Variants in CYP2C19 observed in about 807,000 individuals in gnomAD.
The protein encoded by CYP2C19 is cytochrome P450 2C19.
CYP2C19 carries 59 observed loss-of-function variants against 40.9 expected under a neutral mutation model. The ratio of observed to expected loss-of-function variants is 1.44; its 90% CI spans 1.17 to 1.79. The LOEUF is 1.79. CYP2C19 is among the 40% of genes most tolerant of loss of function. CYP2C19 has a pLI of 0.00. For synonymous variants in CYP2C19, 253 were observed against 208.7 expected (o/e 1.21, Z -1.83); for missense variants, 754 against 596.9 (o/e 1.26, Z -2.74).
At chr10:94,781,132 G>A (rs4304697) in intron 4 of CYP2C19, among the ~76,000 whole-genome samples, 10,386 of 152,222 alleles carry the variant, frequency 0.068, 411 homozygotes, top group South Asian at 0.12. Flanking sequence ...ACACTGAATA[G>A]GGCAGAGGTG....
In CYP2C19 at chr10:94,852,296, C is replaced by T. The variant is rs112811345; in HGVS notation, c.1292-437C>T. Among the ~76,000 whole-genome samples, 384 of 152,248 alleles carry T rather than the reference C, an allele frequency of 2.5e-3. 2 individuals are homozygous for T. Among genetic ancestry groups the T allele is most frequent in the African/African-American group, 8.1e-3 (336 of 41,562 alleles). ...TGAAAATACTTAGCGGGAAAAAAAT[C>T]TTTGGCTGCATACTGAGCCAGAAAT... On this transcript the variant is annotated intron_variant, in intron 8 of 8. Coordinates refer to ENST00000371321, the MANE Select transcript of CYP2C19 (RefSeq NM_000769.4).
At position 94,855,338 on chromosome 10, in the gene CYP2C19, G is replaced by A. The variant is rs1018188786; in HGVS notation, c.*2424G>A. ...TTCAAGGTCACACAGCTTTTTAAGT[G>A]TCAGAGCCAACAATTGGACAAGGGC... On this transcript the variant is annotated 3_prime_UTR_variant, in exon 9 of 9. Coordinates refer to ENST00000371321, the MANE Select transcript of CYP2C19 (RefSeq NM_000769.4). 3.3e-5 allele frequency among the ~76,000 whole-genome samples: 5 copies of A among 152,288 alleles called. No homozygotes were observed. The highest frequency in any genetic ancestry group is 6.5e-5 in the Admixed American group (1 of 15,288).
intron 7 of CYP2C19, among the ~76,000 whole-genome samples, chr10:94,846,896 A>C (rs1320965755): frequency 6.6e-6 from 1 of 151,880 alleles, no homozygotes; most frequent in African/African-American, 2.4e-5. Context: ...AATGATAACA[A>C]ACAAACTACA....
chr10:94,849,909 G>T lies in CYP2C19; in HGVS notation c.1150-8G>T, dbSNP rs780346574. 6.2e-6 allele frequency: 10 copies of T among 1,613,398 alleles called. No individual in the cohort carries two copies. In the African/African-American group the frequency reaches 1.2e-4, roughly 19 times the overall value. Reference sequence around the variant, plus strand: ...ACAGCTCAGTTCACCTATGTCTCTTGTTTCTAGGGCACAACCATATTAACT... The same window carrying T: ...ACAGCTCAGTTCACCTATGTCTCTTTTTTCTAGGGCACAACCATATTAACT... On this transcript the variant is annotated splice_polypyrimidine_tract_variant and splice_region_variant and intron_variant, in intron 7 of 8. Transcript: ENST00000371321.
intron 5 of CYP2C19, among the ~76,000 whole-genome samples, chr10:94,800,542 C>A (rs778034729): frequency 6.6e-6 from 1 of 152,204 alleles, no homozygotes; most frequent in African/African-American, 2.4e-5. Context: ...GTGGGAGAAG[C>A]ACTGCTCTCT....
chr10:94,848,422 G>T (rs1009860588), intron 7 of CYP2C19, among the ~76,000 whole-genome samples: 5 of 152,246 alleles, frequency 3.3e-5, no homozygotes, highest in Middle Eastern at 3.4e-3. Context: ...GCTCTGTTCT[G>T]TTCCATTGGT....
intron 5 of CYP2C19, among the ~76,000 whole-genome samples, chr10:94,792,833 T>C (rs1420105463): frequency 1.3e-5 from 2 of 152,146 alleles, no homozygotes; most frequent in African/African-American, 4.8e-5. Context: ...TTATGTGTCA[T>C]GGGGTTGCTC....
intron 5 of CYP2C19, among the ~76,000 whole-genome samples, chr10:94,801,928 C>T (rs1239038827): frequency 6.6e-6 from 1 of 151,992 alleles, no homozygotes; most frequent in Non-Finnish European, 1.5e-5. Context: ...GTGTTGCAGA[C>T]CAAAAAAGTG....
chr10:94,835,169 G>C (rs539741505), intron 6 of CYP2C19, among the ~76,000 whole-genome samples: 4 of 152,278 alleles, frequency 2.6e-5, no homozygotes, highest in Admixed American at 1.3e-4. Context: ...TTAACAAGGA[G>C]GTTAAAGATA....
Position 94,853,159 on chromosome 10 carries a change from A to G in CYP2C19, c.*245A>G, listed in dbSNP as rs939642210. On this transcript the variant is annotated 3_prime_UTR_variant, in exon 9 of 9. Transcript: ENST00000371321. ...GCTGATACTTGTCTAATGTTGAGTT[A>G]TTAACATATTATTATTAAATAGAGA... is the stretch of plus-strand genomic sequence containing the variant. 1.4e-5 allele frequency: 7 copies of G among 495,936 alleles called. No individual in the cohort carries two copies. 30.7% of individuals were successfully genotyped at this position (495,936 alleles called of 1,614,324 possible).
chr10:94,775,524 T>C lies in CYP2C19; in HGVS notation c.466T>C (p.Leu156=). 1 of 1,613,608 alleles carries C rather than the reference T, an allele frequency of 6.2e-7. No individual in the cohort carries two copies. The highest frequency in any genetic ancestry group is 8.5e-7 in the Non-Finnish European group (1 of 1,179,830). The change falls in exon 3 of 9, where the codon TTG becomes CTG. Residue 156 remains leucine (L), a synonymous_variant. Transcript: ENST00000371321. Reference sequence around the variant, plus strand: ...GGAAGCCCGCTGCCTTGTGGAGGAGTTGAGAAAAACCAAGGGTGGGTGAAC... The same window carrying C: ...GGAAGCCCGCTGCCTTGTGGAGGAGCTGAGAAAAACCAAGGGTGGGTGAAC... The part of the protein sequence containing the change: ...QEEARCLVEE[L]RKTKASPCDP...
chr10:94,808,706 T>C (rs1040938041), intron 5 of CYP2C19, among the ~76,000 whole-genome samples: 1 of 152,118 alleles, frequency 6.6e-6, no homozygotes. Context: ...CTGTTCCTGG[T>C]TTATTTCACT....
At chr10:94,769,193 G>C (rs1243945675) in intron 1 of CYP2C19, among the ~76,000 whole-genome samples, 1 of 152,116 alleles carries the variant, frequency 6.6e-6, no homozygotes, top group Non-Finnish European at 1.5e-5. Context: ...TAGCTACAAA[G>C]TTCAAGAGAT....
At chr10:94,818,953 A>T (rs1849063891) in intron 5 of CYP2C19, among the ~76,000 whole-genome samples, 1 of 151,840 alleles carries the variant, frequency 6.6e-6, no homozygotes, top group Admixed American at 6.6e-5. Flanking sequence ...TCAGCACCAC[A>T]CCACACCTAT....
At chr10:94,791,759 A>G (rs1039521162) in intron 5 of CYP2C19, among the ~76,000 whole-genome samples, 3 of 152,066 alleles carry the variant, frequency 2.0e-5, no homozygotes, top group Non-Finnish European at 2.9e-5. Flanking sequence ...ATTCTTTTAC[A>G]TTTGCTGAGG....
intron 6 of CYP2C19, among the ~76,000 whole-genome samples, chr10:94,835,764 G>T (rs571322544): frequency 6.6e-6 from 1 of 152,148 alleles, no homozygotes; most frequent in South Asian, 2.1e-4. Flanking sequence ...AGCATACTTA[G>T]ATCTGTATAT....
At position 94,763,938 on chromosome 10, in the gene CYP2C19, A is replaced by G. The variant is rs532964751; in HGVS notation, c.168+1065A>G. ...GGAGTTTCTTCCTTCTGCTGGGTTC[A>G]TGGTCTTGCTGACTTCAGGAGTGAA... On this transcript the variant is annotated intron_variant, in intron 1 of 8. Coordinates refer to ENST00000371321, the MANE Select transcript of CYP2C19 (RefSeq NM_000769.4). Among the ~76,000 whole-genome samples, 7 of 152,088 alleles carry G rather than the reference A, an allele frequency of 4.6e-5. No homozygotes were observed. The South Asian group carries it at 1.2e-3, about 27-fold the overall frequency.
intron 7 of CYP2C19, among the ~76,000 whole-genome samples, chr10:94,846,964 G>C (rs1849581299): frequency 6.6e-6 from 1 of 152,104 alleles, no homozygotes; most frequent in Admixed American, 6.6e-5. Context: ...TACCATTCTA[G>C]AAGACGTCGT....
intron 6 of CYP2C19, among the ~76,000 whole-genome samples, chr10:94,834,377 G>A (rs1427108477): frequency 6.6e-6 from 1 of 151,774 alleles, no homozygotes; most frequent in East Asian, 1.9e-4. Flanking sequence ...TTATTTATTT[G>A]AAACTTCTTT....
Sources: allele counts gnomAD v4.1 joint callset (sites outside exome capture counted in the v4.1 genomes callset), GRCh38; gene constraint gnomAD v4.1.1; transcripts MANE v1.5; gene names NCBI Gene and HGNC (gene_info 2026-07-23, HGNC 2026-07-21).